CNTNAP2: variants seen among roughly 807,000 people sequenced by gnomAD.
CNTNAP2 encodes contactin associated protein 2, also known as contactin-associated protein-like 2.
A neutral mutation model predicts 155.2 loss-of-function variants in CNTNAP2; 98 were observed. That is an observed-to-expected ratio of 0.63 (90% CI 0.54 to 0.75). The LOEUF (loss-of-function observed/expected upper bound fraction) is 0.75. Among genes scored for constraint, CNTNAP2 ranks in the 30% least tolerant of loss-of-function variants. The pLI, the probability that CNTNAP2 is intolerant of heterozygous loss-of-function variation, is 0.00. For synonymous variants in CNTNAP2, 651 were observed against 631.2 expected (o/e 1.03, Z -0.47); for missense variants, 1,727 against 1,688.1 (o/e 1.02, Z -0.40).
chr7:146,913,673 C>T (rs1796335429), intron 3 of CNTNAP2, among the ~76,000 whole-genome samples: 1 of 151,990 alleles, frequency 6.6e-6, no homozygotes, highest in South Asian at 2.1e-4. Flanking sequence ...GCTCTACCCC[C>T]ATGACTTCAT....
chr7:148,164,611 C>CTTTTTTTTTT (rs1175888434), intron 17 of CNTNAP2, among the ~76,000 whole-genome samples: 1 of 93,488 alleles, frequency 1.1e-5, no homozygotes. Context: ...TTTTCTCTCT[C>CTTTTTTTTTT]TTTTTTTTTT....
At chr7:146,761,288 AG>A (rs1802093192) in intron 1 of CNTNAP2, among the ~76,000 whole-genome samples, 6 of 56,090 alleles carry the variant, frequency 1.1e-4, no homozygotes, top group African/African-American at 6.7e-4. Context: ...AATTGCTGGA[AG>A]GAAGGAAGGA....
intron 1 of CNTNAP2, among the ~76,000 whole-genome samples, chr7:146,216,753 A>T (rs802536): frequency 0.85 from 128,796 of 152,234 alleles, 54,588 homozygotes; most frequent in East Asian, 0.99. Flanking sequence ...TCACAAGCTA[A>T]CCAGTGACTG....
chr7:147,438,423 A>T (rs537761567), intron 10 of CNTNAP2, among the ~76,000 whole-genome samples: 11 of 152,104 alleles, frequency 7.2e-5, no homozygotes, highest in African/African-American at 2.6e-4. Context: ...TGATTTGCAT[A>T]TGTTGAATCA....
At chr7:146,266,505 G>T (rs901616694) in intron 1 of CNTNAP2, among the ~76,000 whole-genome samples, 8 of 151,860 alleles carry the variant, frequency 5.3e-5, no homozygotes, top group African/African-American at 1.9e-4. Flanking sequence ...TTTTTATTTT[G>T]GGAATACAAA....
intron 13 of CNTNAP2, among the ~76,000 whole-genome samples, chr7:147,732,854 A>G (rs1002612591): frequency 5.9e-5 from 9 of 152,140 alleles, no homozygotes; most frequent in Non-Finnish European, 7.4e-5. Flanking sequence ...GTCTGTTCAT[A>G]TCCTTCGCCC....
intron 11 of CNTNAP2, among the ~76,000 whole-genome samples, chr7:147,517,353 T>C (rs765066202): frequency 1.6e-4 from 25 of 152,160 alleles, no homozygotes; most frequent in Non-Finnish European, 2.8e-4. Context: ...AAATCTTCAA[T>C]ACAGCAGGCA....
At chr7:146,330,838 T>G (rs1211783256) in intron 1 of CNTNAP2, among the ~76,000 whole-genome samples, 1 of 152,222 alleles carries the variant, frequency 6.6e-6, no homozygotes, top group African/African-American at 2.4e-5. Flanking sequence ...TAGTAATATA[T>G]TACATGTCCG....
At chr7:147,450,167 C>T (rs552909338) in intron 10 of CNTNAP2, among the ~76,000 whole-genome samples, 20 of 152,252 alleles carry the variant, frequency 1.3e-4, no homozygotes, top group Admixed American at 7.2e-4. Flanking sequence ...AAGCAAAGAA[C>T]GTTTTTTTCC....
chr7:146,187,187 G>T (rs868245936), intron 1 of CNTNAP2, among the ~76,000 whole-genome samples: 8 of 152,172 alleles, frequency 5.3e-5, no homozygotes, highest in African/African-American at 1.7e-4. Context: ...TTGTCACTCA[G>T]AATATCATCC....
chr7:147,512,211 A>G (rs1158355551), intron 11 of CNTNAP2, among the ~76,000 whole-genome samples: 2 of 152,150 alleles, frequency 1.3e-5, no homozygotes, highest in African/African-American at 4.8e-5. Flanking sequence ...GCATGCACTC[A>G]TGTATTACTA....
chr7:147,662,490 T>C (rs1352209375), intron 13 of CNTNAP2, among the ~76,000 whole-genome samples: 1 of 152,190 alleles, frequency 6.6e-6, no homozygotes, highest in African/African-American at 2.4e-5. Flanking sequence ...CAAGATATAA[T>C]TATCTAACTT....
At chr7:148,373,004 C>T (rs1160429990) in intron 21 of CNTNAP2, among the ~76,000 whole-genome samples, 1 of 152,192 alleles carries the variant, frequency 6.6e-6, no homozygotes, top group African/African-American at 2.4e-5. Flanking sequence ...ATCAATACCA[C>T]TGTCTTCCAC....
intron 4 of CNTNAP2, among the ~76,000 whole-genome samples, chr7:147,079,504 T>A (rs1800071265): frequency 6.6e-6 from 1 of 151,650 alleles, no homozygotes; most frequent in Admixed American, 6.6e-5. Context: ...AAATGACAAG[T>A]TAATGGTTGC....
At chr7:146,913,745 C>G (rs1315520971) in intron 3 of CNTNAP2, among the ~76,000 whole-genome samples, 1 of 151,716 alleles carries the variant, frequency 6.6e-6, no homozygotes, top group Non-Finnish European at 1.5e-5. Context: ...AGTGGGGTAT[C>G]AACATATGGA....
intron 15 of CNTNAP2, among the ~76,000 whole-genome samples, chr7:148,008,316 G>A (rs574518615): frequency 6.6e-6 from 1 of 152,264 alleles, no homozygotes; most frequent in South Asian, 2.1e-4. Flanking sequence ...AGGTTGCAGT[G>A]AGTGGAGATC....
chr7:147,378,108 A>G, intron 9 of CNTNAP2: 1 of 454,530 alleles, frequency 2.2e-6, no homozygotes, highest in South Asian at 1.6e-5. Flanking sequence ...CACCAACCTA[A>G]TACGTTAGAA....
intron 9 of CNTNAP2, among the ~76,000 whole-genome samples, chr7:147,394,326 C>A (rs780241352): frequency 1.3e-5 from 2 of 151,934 alleles, no homozygotes; most frequent in East Asian, 1.9e-4. Context: ...CCAGTCTTGG[C>A]ATGTCTTTTT....
chr7:148,148,232 G>C (rs1805232186), intron 17 of CNTNAP2, among the ~76,000 whole-genome samples: 1 of 152,100 alleles, frequency 6.6e-6, no homozygotes, highest in Admixed American at 6.6e-5. Context: ...AAAAAGATCA[G>C]TACAAAAAAG....
Sources: gnomAD v4.1 joint callset for allele counts (sites outside exome capture counted in the v4.1 genomes callset) on GRCh38, gnomAD v4.1.1 for gene constraint, MANE v1.5 for transcripts, NCBI Gene and HGNC (gene_info 2026-07-23, HGNC 2026-07-21) for gene names.